CFAP206: variants seen among roughly 807,000 people sequenced by gnomAD.
CFAP206 encodes the protein cilia and flagella associated protein 206.
CFAP206 carries 53 observed loss-of-function variants against 65.4 expected under a neutral mutation model. The observed-to-expected ratio is 0.81, with a 90% confidence interval of 0.65 to 1.02. The LOEUF (loss-of-function observed/expected upper bound fraction) is 1.02. Among genes scored for constraint, CFAP206 ranks in the 50% least tolerant of loss-of-function variants. CFAP206 has a pLI of 0.00. For missense variants in CFAP206, 663 were observed against 753.2 expected, an observed-to-expected ratio of 0.88 and a Z score of 1.40; for synonymous variants, 250 against 254.4, an observed-to-expected ratio of 0.98 and a Z score of 0.17.
At chr6:87,411,999 T>C (rs748332903) in intron 3 of CFAP206, among the ~76,000 whole-genome samples, 1 of 152,214 alleles carries the variant, frequency 6.6e-6, no homozygotes, top group Non-Finnish European at 1.5e-5. Context: ...AGAAATTTTA[T>C]TGGAAAGCCG....
rs1162947728 is a variant in CFAP206, at chr6:87,434,850, T to C, written c.1301-10T>C. On this transcript the variant is annotated splice_polypyrimidine_tract_variant and intron_variant, in intron 10 of 12. Coordinates refer to ENST00000369562, the MANE Select transcript of CFAP206 (RefSeq NM_001031743.3). Reference sequence around the variant, plus strand: ...AGACATTTCATATCTAATTCTTTTTTTATTTTCAGGAAATCCAGCAATTGG... The same window carrying C: ...AGACATTTCATATCTAATTCTTTTTCTATTTTCAGGAAATCCAGCAATTGG... 5 of 1,291,456 alleles carry C rather than the reference T, an allele frequency of 3.9e-6. No homozygotes were observed. The highest frequency in any genetic ancestry group is 3.2e-6 in the Non-Finnish European group (3 of 929,414). The allele number at this position is 1,291,456 out of a possible 1,614,324, so 80.0% of individuals were successfully genotyped here.
chr6:87,434,325 T>C (rs1582142095), intron 10 of CFAP206, among the ~76,000 whole-genome samples: 1 of 150,896 alleles, frequency 6.6e-6, no homozygotes, highest in Non-Finnish European at 1.5e-5. Context: ...GAGCCCGGGA[T>C]GTTGATGCTG....
intron 11 of CFAP206, among the ~76,000 whole-genome samples, chr6:87,453,238 A>G (rs1312161405): frequency 3.3e-5 from 5 of 152,174 alleles, no homozygotes; most frequent in Non-Finnish European, 7.4e-5. Flanking sequence ...ATCTGATGAA[A>G]ATATCCTTCA....
chr6:87,450,160 T>C (rs1768515371), intron 11 of CFAP206, among the ~76,000 whole-genome samples: 1 of 152,204 alleles, frequency 6.6e-6, no homozygotes, highest in Non-Finnish European at 1.5e-5. Flanking sequence ...GGGTTCTGTA[T>C]TCTATTCTAT....
chr6:87,428,894 C>A, intron 9 of CFAP206, 70 bp downstream of exon 9: 2 of 1,383,700 alleles, frequency 1.4e-6, no homozygotes, highest in Non-Finnish European at 1.0e-6. Flanking sequence ...CTCTTTTGTT[C>A]TAAAAATTTC....
At chr6:87,439,807 C>T (rs1340052025) in intron 11 of CFAP206, among the ~76,000 whole-genome samples, 2 of 152,018 alleles carry the variant, frequency 1.3e-5, no homozygotes, top group African/African-American at 4.8e-5. Flanking sequence ...CCTTTCCTCA[C>T]TGATCTACAG....
intron 11 of CFAP206, among the ~76,000 whole-genome samples, chr6:87,450,458 C>T: frequency 1.4e-5 from 2 of 138,630 alleles, no homozygotes; most frequent in African/African-American, 2.7e-5. Flanking sequence ...GTATATATTT[C>T]CTTTGAATAA....
chr6:87,423,648 T>C (rs903977890), intron 7 of CFAP206, among the ~76,000 whole-genome samples: 1 of 152,236 alleles, frequency 6.6e-6, no homozygotes, highest in Non-Finnish European at 1.5e-5. Flanking sequence ...CTGTTTCTTG[T>C]TGCTGTTGCA....
intron 7 of CFAP206, among the ~76,000 whole-genome samples, chr6:87,418,919 C>G (rs529543519): frequency 2.6e-5 from 4 of 152,056 alleles, no homozygotes; most frequent in Non-Finnish European, 5.9e-5. Flanking sequence ...CAAAATCAGC[C>G]TGGCCAACAT....
At chr6:87,459,600 A>G (rs1768706484) in intron 11 of CFAP206, among the ~76,000 whole-genome samples, 1 of 152,214 alleles carries the variant, frequency 6.6e-6, no homozygotes, top group Non-Finnish European at 1.5e-5. Flanking sequence ...TAGATCAGGA[A>G]TATTCAAATG....
At chr6:87,456,245 A>C (rs767252648) in intron 11 of CFAP206, among the ~76,000 whole-genome samples, 1 of 152,224 alleles carries the variant, frequency 6.6e-6, no homozygotes, top group Non-Finnish European at 1.5e-5. Context: ...AGAATGAAGG[A>C]CAAAAACCAT....
At chr6:87,458,154 C>A (rs1281126253) in intron 11 of CFAP206, among the ~76,000 whole-genome samples, 1 of 152,030 alleles carries the variant, frequency 6.6e-6, no homozygotes, top group East Asian at 1.9e-4. Flanking sequence ...TGGCTTATAT[C>A]AAAAAGGCAG....
Position 87,418,372 on chromosome 6 carries a change from C to T in CFAP206, c.796C>T (p.Leu266=). 2.5e-6 allele frequency: 4 copies of T among 1,614,130 alleles called. No individual in the cohort carries two copies. The highest frequency in any genetic ancestry group is 3.4e-6 in the Non-Finnish European group (4 of 1,180,018). The change falls in exon 7 of 13, where the codon CTA becomes TTA. Residue 266 remains leucine, a synonymous_variant. Coordinates refer to ENST00000369562, the MANE Select transcript of CFAP206 (RefSeq NM_001031743.3). ...ELQPYMLKEA[L]YNIRQYEVFL... ...TCAGCCATATATGTTAAAAGAAGCG[C>T]TATATAATATACGACAATATGAGGT...
chr6:87,453,270 CT>C (rs1357388954), intron 11 of CFAP206, among the ~76,000 whole-genome samples: 2 of 152,056 alleles, frequency 1.3e-5, no homozygotes, highest in Non-Finnish European at 2.9e-5. Context: ...AAAATAAAGA[CT>C]TTCCCAGACA....
Position 87,464,264 on chromosome 6 carries a change from T to A in CFAP206, c.*14T>A. ...GATGAAACCTAATTACAGACAACGTTTTAAAATAGATGCTACTCAATTATG... is the reference window on the plus strand; with the variant it reads ...GATGAAACCTAATTACAGACAACGTATTAAAATAGATGCTACTCAATTATG... On this transcript the variant is annotated 3_prime_UTR_variant, in exon 13 of 13. Transcript: ENST00000369562. 6.3e-7 allele frequency: 1 copy of A among 1,594,516 alleles called. No individual in the cohort carries two copies. The highest frequency in any genetic ancestry group is 1.1e-5 in the South Asian group (1 of 90,000).
In CFAP206 at chr6:87,426,589, GA is replaced by G; in HGVS notation, c.906del (p.Glu302AspfsTer3). 3 of 1,601,472 alleles carry G rather than the reference GA, an allele frequency of 1.9e-6. No homozygotes were observed. Among genetic ancestry groups the G allele is most frequent in the Non-Finnish European group, 2.6e-6 (3 of 1,173,282 alleles). ...GACAAAACAGTTAGGAGCCCATCTG[GA>G]ACAACTAAAAATGACCATAAAATCA... ...MMTKQLGAHL[E>X]QLKMTIKSKI... On this transcript the variant is annotated frameshift_variant, in exon 8 of 13. Coordinates refer to ENST00000369562, the MANE Select transcript of CFAP206 (RefSeq NM_001031743.3). LOFTEE classifies it high-confidence loss of function.
chr6:87,450,341 T>C (rs1202578668), intron 11 of CFAP206, among the ~76,000 whole-genome samples: 1 of 152,154 alleles, frequency 6.6e-6, no homozygotes, highest in Non-Finnish European at 1.5e-5. Context: ...GTTTTTCTAT[T>C]TCTTGAAGAA....
chr6:87,424,315 T>A (rs1350116408), intron 7 of CFAP206, among the ~76,000 whole-genome samples: 1 of 152,198 alleles, frequency 6.6e-6, no homozygotes, highest in Non-Finnish European at 1.5e-5. Flanking sequence ...AGTCTCGCTC[T>A]GTTGCCCAAG....
At chr6:87,433,898 A>G (rs376427302) in intron 10 of CFAP206, among the ~76,000 whole-genome samples, 126 of 151,796 alleles carry the variant, frequency 8.3e-4, no homozygotes, top group African/African-American at 2.9e-3. Context: ...TCAGGAGTTC[A>G]AGACCAGCCT....
Sources: allele counts gnomAD v4.1 joint callset (sites outside exome capture counted in the v4.1 genomes callset), GRCh38; gene constraint gnomAD v4.1.1; transcripts MANE v1.5; gene names NCBI Gene and HGNC (gene_info 2026-07-23, HGNC 2026-07-21).